ZNF383: variants seen among roughly 807,000 people sequenced by gnomAD.
ZNF383 encodes the protein zinc finger protein 383.
Under a neutral mutation model 44.2 loss-of-function variants are expected in ZNF383, and 32 were observed. The ratio of observed to expected loss-of-function variants is 0.72; its 90% CI spans 0.55 to 0.97. The LOEUF (loss-of-function observed/expected upper bound fraction) is 0.97, where lower values mean the gene tolerates loss of function less well. Among genes scored for constraint, ZNF383 ranks in the 50% least tolerant of loss-of-function variants. The probability of loss-of-function intolerance (pLI) is 0.00; values close to 1 mark genes in which losing one functional copy is unlikely to be tolerated. For missense variants in ZNF383, 487 were observed against 562.5 expected, an observed-to-expected ratio of 0.87 and a Z score of 1.36; for synonymous variants, 155 against 186.2, an observed-to-expected ratio of 0.83 and a Z score of 1.36.
At chr19:37,232,384 C>T (rs868773624) in intron 3 of ZNF383, among the ~76,000 whole-genome samples, 1 of 151,850 alleles carries the variant, frequency 6.6e-6, no homozygotes, top group East Asian at 1.9e-4. Flanking sequence ...GTTTTTTTCA[C>T]GTAGGTCTAT....
chr19:37,241,673 A>G (rs891329139), intron 5 of ZNF383, among the ~76,000 whole-genome samples: 1 of 152,136 alleles, frequency 6.6e-6, no homozygotes, highest in Non-Finnish European at 1.5e-5. Flanking sequence ...TCTGGTAATC[A>G]GACCCCACCC....
rs1974377481 is a variant in ZNF383 at position 37,246,448 on chromosome 19, C to T, written c.*2784C>T. The stretch of plus-strand genomic sequence containing the variant: ...AAAGTATGTGTGCATAGTCTTTGTT[C>T]AGACTTTATCTTTTATGCTACATAA... On this transcript the variant is annotated 3_prime_UTR_variant, in exon 6 of 6. Coordinates refer to ENST00000684119, the MANE Select transcript of ZNF383 (RefSeq NM_001387601.1). 1 of 151,974 alleles carries T rather than the reference C, an allele frequency of 6.6e-6. No homozygotes were observed. Among genetic ancestry groups the T allele is most frequent in the Admixed American group, 6.6e-5 (1 of 15,226 alleles). The allele number at this position is 151,974 out of a possible 1,614,324, so 9.4% of individuals were successfully genotyped here.
intron 1 of ZNF383, among the ~76,000 whole-genome samples, chr19:37,223,061 A>C (rs1474157465): frequency 1.3e-5 from 2 of 152,256 alleles, no homozygotes; most frequent in Non-Finnish European, 2.9e-5. Context: ...AATGGCTTCA[A>C]ATATATTTGA....
chr19:37,247,223 T>C lies in ZNF383; in HGVS notation c.*3559T>C, dbSNP rs961350206. On this transcript the variant is annotated 3_prime_UTR_variant, in exon 6 of 6. Coordinates refer to ENST00000684119, the MANE Select transcript of ZNF383 (RefSeq NM_001387601.1). ...GAATTGTGGGAGGAAGGAGGTAGTA[T>C]TATTTTAAAAGGCAGAAATAATTGA... 2 of 152,126 alleles carry C rather than the reference T, an allele frequency of 1.3e-5. No homozygotes were observed. The highest frequency in any genetic ancestry group is 4.8e-5 in the African/African-American group (2 of 41,430). 9.4% of individuals were successfully genotyped at this position (152,126 alleles called of 1,614,324 possible). A position where few individuals can be genotyped will look rare whatever the true frequency, so the allele number is the denominator to read the frequency against.
chr19:37,239,409 A>G (rs1170910593), intron 5 of ZNF383, among the ~76,000 whole-genome samples: 1 of 152,152 alleles, frequency 6.6e-6, no homozygotes, highest in Non-Finnish European at 1.5e-5. Context: ...TATGCTCATC[A>G]CTACTTCAGA....
At chr19:37,239,556 G>C (rs1271463307) in intron 5 of ZNF383, among the ~76,000 whole-genome samples, 2 of 152,198 alleles carry the variant, frequency 1.3e-5, no homozygotes, top group African/African-American at 4.8e-5. Flanking sequence ...AAATGCCAGT[G>C]TTGGTGGGCC....
At chr19:37,229,457 G>C (rs1283985260) in intron 2 of ZNF383, among the ~76,000 whole-genome samples, 1 of 140,764 alleles carries the variant, frequency 7.1e-6, no homozygotes, top group Admixed American at 7.3e-5. Context: ...ACTGCACCCA[G>C]CTTTTTTTTT....
At chr19:37,241,043 G>A (rs1974059336) in intron 5 of ZNF383, among the ~76,000 whole-genome samples, 1 of 152,148 alleles carries the variant, frequency 6.6e-6, no homozygotes, top group African/African-American at 2.4e-5. Context: ...CTGACCTCAG[G>A]TGATCTGCCC....
chr19:37,220,337 C>T (rs991449259), intron 1 of ZNF383, among the ~76,000 whole-genome samples: 4 of 152,142 alleles, frequency 2.6e-5, no homozygotes, highest in Non-Finnish European at 5.9e-5. Flanking sequence ...GATCTCAGCT[C>T]ACTGCAACCT....
intron 3 of ZNF383, among the ~76,000 whole-genome samples, chr19:37,234,549 C>T (rs1973674827): frequency 6.6e-6 from 1 of 152,088 alleles, no homozygotes; most frequent in Non-Finnish European, 1.5e-5. Flanking sequence ...GCCACCACGC[C>T]TGGCTAATTT....
At chr19:37,227,479 G>C (rs1419879035) in intron 2 of ZNF383, 1 of 152,114 alleles carries the variant, frequency 6.6e-6, no homozygotes, top group Non-Finnish European at 1.5e-5. Flanking sequence ...AATTATTAGG[G>C]GTTTAATATT....
At chr19:37,224,623 G>A (rs369713544) in intron 1 of ZNF383, among the ~76,000 whole-genome samples, 195 bp from the exon 2 acceptor site, 2 of 151,948 alleles carry the variant, frequency 1.3e-5, no homozygotes, top group Non-Finnish European at 2.9e-5. Context: ...TGCAGTCACA[G>A]CTCACTGCAA....
At position 37,243,400 on chromosome 19, in the gene ZNF383, C is replaced by G; in HGVS notation, c.1164C>G (p.His388Gln). 1 of 1,613,808 alleles carries G rather than the reference C, an allele frequency of 6.2e-7. No homozygotes were observed. Among genetic ancestry groups the G allele is most frequent in the Non-Finnish European group, 8.5e-7 (1 of 1,179,976 alleles). Residue 388 changes from histidine to glutamine, a missense_variant, in exon 6 of 6, where the codon CAC (histidine) becomes CAG (glutamine). His to Gln is a conservative substitution (Grantham distance 24, BLOSUM62 0). Transcript: ENST00000684119. ...AGCTTCGTCAACATCAGAGAATTCACGCTGGTGAGAAACCCTTTGAATGTC... is the reference window on the plus strand; with the variant it reads ...AGCTTCGTCAACATCAGAGAATTCAGGCTGGTGAGAAACCCTTTGAATGTC... ...SSQLRQHQRIHAGEKPFECLE... is the reference protein window; with the variant it reads ...SSQLRQHQRIQAGEKPFECLE...
chr19:37,243,403 T>A lies in ZNF383; in HGVS notation c.1167T>A (p.Ala389=). 6.2e-7 allele frequency: 1 copy of A among 1,614,098 alleles called. No individual in the cohort carries two copies. The highest frequency in any genetic ancestry group is 8.5e-7 in the Non-Finnish European group (1 of 1,180,024). Residue 389 remains alanine (A), a synonymous_variant, in exon 6 of 6, where the codon GCT becomes GCA. Transcript: ENST00000684119. ...TTCGTCAACATCAGAGAATTCACGC[T>A]GGTGAGAAACCCTTTGAATGTCTTG... is the stretch of plus-strand genomic sequence containing the variant. The part of the protein sequence containing the change: ...SQLRQHQRIH[A]GEKPFECLEC...
chr19:37,243,355 G>T lies in ZNF383; in HGVS notation c.1119G>T (p.Lys373Asn). 1 of 1,614,078 alleles carries T rather than the reference G, an allele frequency of 6.2e-7. No individual in the cohort carries two copies. The highest frequency in any genetic ancestry group is 1.1e-5 in the South Asian group (1 of 91,074). ...CCTATGATTGTAAGGAATGTGGAAA[G>T]GCTTTTACTCAGAGCTCACAGCTTC... ...EKPYDCKECG[K>N]AFTQSSQLRQ... Residue 373 changes from lysine (K) to asparagine (N), a missense_variant, in exon 6 of 6, where the codon AAG becomes AAT. Physicochemically the swap from Lys to Asn is moderately conservative, Grantham distance 94. Transcript: ENST00000684119.
rs1279336991 is a variant in ZNF383, at chr19:37,246,794, A to C, written c.*3130A>C. 6.6e-6 allele frequency: 1 copy of C among 152,128 alleles called. No individual in the cohort carries two copies. The highest frequency in any genetic ancestry group is 1.5e-5 in the Non-Finnish European group (1 of 68,040). The allele number at this position is 152,128 out of a possible 1,614,324, so 9.4% of individuals were successfully genotyped here. Reference sequence around the variant, plus strand: ...TGACAGAGCGAGACTCTGTCTTACAAAATAAAAAATAAACGGTTACCAATC... The same window carrying C: ...TGACAGAGCGAGACTCTGTCTTACACAATAAAAAATAAACGGTTACCAATC... On this transcript the variant is annotated 3_prime_UTR_variant, in exon 6 of 6. Coordinates refer to ENST00000684119, the MANE Select transcript of ZNF383 (RefSeq NM_001387601.1).
At position 37,248,058 on chromosome 19, in the gene ZNF383, C is replaced by G. The variant is rs1974432128; in HGVS notation, c.*4394C>G. ...GGCTGAGGCAGGAGAAAGGCTTGAA[C>G]CCGGGAGGCAGAGATTGCGGTGAGC... On this transcript the variant is annotated 3_prime_UTR_variant, in exon 6 of 6. Coordinates refer to ENST00000684119, the MANE Select transcript of ZNF383 (RefSeq NM_001387601.1). 1 of 152,190 alleles carries G rather than the reference C, an allele frequency of 6.6e-6. No homozygotes were observed. Among genetic ancestry groups the G allele is most frequent in the South Asian group, 2.1e-4 (1 of 4,832 alleles). The allele number at this position is 152,190 out of a possible 1,614,324, so 9.4% of individuals were successfully genotyped here.
At chr19:37,240,503 T>C (rs1974032940) in intron 5 of ZNF383, among the ~76,000 whole-genome samples, 2 of 152,226 alleles carry the variant, frequency 1.3e-5, no homozygotes, top group African/African-American at 2.4e-5. Context: ...CTCTCATCAA[T>C]CTGCTTCTGG....
At chr19:37,233,120 GTATTTATTTATT>G (rs56893941) in intron 3 of ZNF383, among the ~76,000 whole-genome samples, 2 of 150,922 alleles carry the variant, frequency 1.3e-5, no homozygotes, top group Admixed American at 6.6e-5. Flanking sequence ...ATTTGTTTTT[GTATTTATTTATT>G]TATTTATTTA....
Sources: gnomAD v4.1 joint callset for allele counts (sites outside exome capture counted in the v4.1 genomes callset) on GRCh38, gnomAD v4.1.1 for gene constraint, MANE v1.5 for transcripts, NCBI Gene and HGNC (gene_info 2026-07-23, HGNC 2026-07-21) for gene names.